GBA1: variants seen among roughly 807,000 people sequenced by gnomAD.
GBA1 encodes the protein lysosomal acid glucosylceramidase.
At chr1:155,237,739 T>A in the GBA1 span, among the ~76,000 whole-genome samples, 5 of 151,752 alleles carry the variant, frequency 3.3e-5, no homozygotes, top group East Asian at 9.7e-4. Context: ...CCGTCTCTAC[T>A]AAAAATAGAA....
chr1:155,242,409 G>C, the GBA1 span, among the ~76,000 whole-genome samples: 1 of 152,052 alleles, frequency 6.6e-6, no homozygotes, highest in Non-Finnish European at 1.5e-5. Context: ...TTTTAGTAGA[G>C]ATGGGGTTTC....
chr1:155,244,388 A>AGAC, the GBA1 span: 6 of 152,200 alleles, frequency 3.9e-5, no homozygotes, highest in Non-Finnish European at 7.3e-5. Context: ...CGACAGGGCG[A>AGAC]GACTCCCTCA....
At chr1:155,237,586 G>T in the GBA1 span, 3 of 1,613,264 alleles carry the variant, frequency 1.9e-6, no homozygotes, top group East Asian at 6.7e-5. Flanking sequence ...AACCTGGCAA[G>T]AGAAAGGTCA....
the GBA1 span, chr1:155,236,295 G>A: frequency 6.8e-6 from 11 of 1,614,020 alleles, no homozygotes; most frequent in African/African-American, 2.7e-5. Context: ...GAGCCTAGCC[G>A]CACACTCTGC....
At chr1:155,237,393 C>T in the GBA1 span, 2 of 1,613,952 alleles carry the variant, frequency 1.2e-6, no homozygotes, top group South Asian at 1.1e-5. Flanking sequence ...CATGAGTAGG[C>T]GGACATTGTG....
At chr1:155,243,436 G>C in the GBA1 span, among the ~76,000 whole-genome samples, 13 of 152,138 alleles carry the variant, frequency 8.5e-5, no homozygotes, top group Admixed American at 2.0e-4. Flanking sequence ...TGCATAGTGA[G>C]CCTCTTCTTT....
At chr1:155,244,409 A>G in the GBA1 span, 1 of 152,096 alleles carries the variant, frequency 6.6e-6, no homozygotes, top group African/African-American at 2.4e-5. Context: ...AAAAATAATA[A>G]TAATAACAAT....
the GBA1 span, chr1:155,236,086 T>G: frequency 5.1e-5 from 40 of 785,560 alleles, no homozygotes; most frequent in Middle Eastern, 2.0e-3. Context: ...TGCAGACCTG[T>G]GAAGGAAAGG....
At chr1:155,240,371 A>G in the GBA1 span, 243 of 602,326 alleles carry the variant, frequency 4.0e-4, 1 homozygote, top group South Asian at 4.7e-3. Context: ...AGCTGAAGCA[A>G]GAGAATCGCT....
At chr1:155,242,366 G>A in the GBA1 span, among the ~76,000 whole-genome samples, 1 of 152,026 alleles carries the variant, frequency 6.6e-6, no homozygotes, top group Non-Finnish European at 1.5e-5. Flanking sequence ...GGGATTACAG[G>A]TGCCCTCCAA....
the GBA1 span, chr1:155,236,524 T>A: frequency 2.9e-6 from 4 of 1,359,302 alleles, no homozygotes; most frequent in Non-Finnish European, 4.2e-6. Flanking sequence ...CTGGAACTTC[T>A]AGTTCCTGTT....
chr1:155,241,671 C>T, the GBA1 span, among the ~76,000 whole-genome samples: 11 of 152,142 alleles, frequency 7.2e-5, no homozygotes, highest in East Asian at 3.9e-4. Flanking sequence ...AAGACAGAAA[C>T]GGTAACAGGT....
chr1:155,243,920 G>A, the GBA1 span, among the ~76,000 whole-genome samples: 2 of 151,992 alleles, frequency 1.3e-5, no homozygotes, highest in Admixed American at 6.6e-5. Context: ...TGCAGCTCCA[G>A]TGCGAATCCC....
chr1:155,238,981 G>A, the GBA1 span: 1 of 367,808 alleles, frequency 2.7e-6, no homozygotes, highest in South Asian at 2.2e-5. Context: ...CACTTTGGGA[G>A]GCCGATGTGG....
chr1:155,241,289 G>A, the GBA1 span: 16 of 667,552 alleles, frequency 2.4e-5, no homozygotes, highest in East Asian at 1.3e-4. Flanking sequence ...GACTAGGAGC[G>A]TCACATGACA....
chr1:155,234,883 G>C, the GBA1 span: 1 of 406,810 alleles, frequency 2.5e-6, no homozygotes, highest in Non-Finnish European at 4.2e-6. Flanking sequence ...TTACGTCGCT[G>C]TAAGCTCACA....
the GBA1 span, chr1:155,244,522 CA>C: frequency 1.2e-4 from 19 of 152,244 alleles, no homozygotes; most frequent in African/African-American, 4.6e-4. Flanking sequence ...CGAAGAGAAA[CA>C]GCAGCCCCAA....
chr1:155,237,784 C>A, the GBA1 span: 1 of 1,047,526 alleles, frequency 9.5e-7, no homozygotes, highest in Non-Finnish European at 1.4e-6. Context: ...CGCCTATAAT[C>A]CCAGCTACTT....
the GBA1 span, chr1:155,235,790 C>T: frequency 1.9e-4 from 311 of 1,614,180 alleles, no homozygotes; most frequent in Non-Finnish European, 2.2e-4. Context: ...GGTCCTCCTT[C>T]GGGGTTCAGG....
Sources: gnomAD v4.1 joint callset for allele counts (sites outside exome capture counted in the v4.1 genomes callset) on GRCh38, gnomAD v4.1.1 for gene constraint, MANE v1.5 for transcripts, NCBI Gene and HGNC (gene_info 2026-07-23, HGNC 2026-07-21) for gene names.